Variants in CMSS1 observed in about 807,000 individuals in gnomAD.
CMSS1 encodes the protein protein CMSS1.
A neutral mutation model predicts 43.5 loss-of-function variants in CMSS1; 33 were observed. That is an observed-to-expected ratio of 0.76 (90% CI 0.57 to 1.01). The LOEUF (loss-of-function observed/expected upper bound fraction) is 1.01. Ranked by LOEUF, CMSS1 falls within the 50% of genes least tolerant of loss-of-function variation. The pLI, the probability that CMSS1 is intolerant of heterozygous loss-of-function variation, is 0.00. For synonymous variants in CMSS1, 115 were observed against 117.2 expected, an observed-to-expected ratio of 0.98 and a Z score of 0.12; for missense variants, 313 against 326.4, an observed-to-expected ratio of 0.96 and a Z score of 0.32.
chr3:100,024,849 A>G (rs922322332), intron 1 of CMSS1, among the ~76,000 whole-genome samples: 4 of 152,162 alleles, frequency 2.6e-5, no homozygotes, highest in African/African-American at 7.2e-5. Flanking sequence ...GCCCAAGGTC[A>G]GAAACATTCG....
intron 1 of CMSS1, among the ~76,000 whole-genome samples, chr3:100,001,976 TC>T (rs565113007): frequency 1.3e-5 from 2 of 151,920 alleles, no homozygotes; most frequent in African/African-American, 2.4e-5. Context: ...CTTGTCCATA[TC>T]CCCCCCAATT....
At chr3:99,929,513 AGTGTGTGTGT>A (rs10629410) in intron 1 of CMSS1, among the ~76,000 whole-genome samples, 1 of 148,170 alleles carries the variant, frequency 6.7e-6, no homozygotes. Context: ...AAGTTCCCAG[AGTGTGTGTGT>A]GTGTGTGTGT....
chr3:99,874,255 T>C (rs565051459), intron 1 of CMSS1: 1 of 152,382 alleles, frequency 6.6e-6, no homozygotes, highest in African/African-American at 2.4e-5. Flanking sequence ...AGTTGAGTTG[T>C]AGTTTATGGT....
At chr3:99,889,805 C>CA (rs1464479372) in intron 1 of CMSS1, among the ~76,000 whole-genome samples, 1 of 151,816 alleles carries the variant, frequency 6.6e-6, no homozygotes, top group Non-Finnish European at 1.5e-5. Context: ...AATCCTCCTC[C>CA]AAAAAAATCT....
At chr3:100,159,665 T>G (rs1387445750) in intron 2 of CMSS1, among the ~76,000 whole-genome samples, 1 of 152,230 alleles carries the variant, frequency 6.6e-6, no homozygotes, top group Non-Finnish European at 1.5e-5. Context: ...TGCTTATGAT[T>G]AATAAATATG....
intron 1 of CMSS1, among the ~76,000 whole-genome samples, chr3:100,107,994 A>T (rs2066423413): frequency 6.6e-6 from 1 of 152,086 alleles, no homozygotes; most frequent in African/African-American, 2.4e-5. Context: ...TTTAATAATC[A>T]ATTTTCTGGG....
chr3:99,970,683 A>G (rs1035935788), intron 1 of CMSS1, among the ~76,000 whole-genome samples: 10 of 152,218 alleles, frequency 6.6e-5, no homozygotes, highest in African/African-American at 2.4e-4. Context: ...ATGACAAGAC[A>G]TTCTGTATAT....
intron 1 of CMSS1, among the ~76,000 whole-genome samples, chr3:99,936,479 A>C (rs112927548): frequency 8.5e-5 from 9 of 105,644 alleles, no homozygotes; most frequent in South Asian, 3.2e-4. Flanking sequence ...GGGTTCAAGC[A>C]ATTCTCCTGC....
chr3:99,976,768 T>G (rs535314080), intron 1 of CMSS1, among the ~76,000 whole-genome samples: 2 of 152,338 alleles, frequency 1.3e-5, no homozygotes, highest in East Asian at 3.9e-4. Context: ...TCAGGTTTCT[T>G]GGACCTGTGG....
intron 2 of CMSS1, among the ~76,000 whole-genome samples, chr3:100,157,181 G>T (rs1471498873): frequency 6.6e-6 from 1 of 151,946 alleles, no homozygotes; most frequent in African/African-American, 2.4e-5. Flanking sequence ...CTGGGACATT[G>T]CCTCTACTTT....
chr3:100,135,720 A>G (rs2066748130), intron 1 of CMSS1, among the ~76,000 whole-genome samples: 1 of 149,286 alleles, frequency 6.7e-6, no homozygotes, highest in Admixed American at 6.6e-5. Context: ...GAAAATAACC[A>G]TTAAGTTTGC....
intron 1 of CMSS1, among the ~76,000 whole-genome samples, chr3:99,834,489 C>T (rs1469943879): frequency 6.6e-6 from 1 of 152,190 alleles, no homozygotes; most frequent in African/African-American, 2.4e-5. Flanking sequence ...ATAAAGTTTT[C>T]AAAATCGCTC....
At chr3:100,173,616 C>G (rs1302735113) in intron 8 of CMSS1, among the ~76,000 whole-genome samples, 2 of 152,192 alleles carry the variant, frequency 1.3e-5, no homozygotes, top group Non-Finnish European at 2.9e-5. Context: ...GATAGTTATG[C>G]TGGCCTGAAT....
chr3:99,976,550 T>C (rs1708977181), intron 1 of CMSS1, among the ~76,000 whole-genome samples: 1 of 152,190 alleles, frequency 6.6e-6, no homozygotes, highest in Non-Finnish European at 1.5e-5. Flanking sequence ...TTCACCACAT[T>C]GAAGATACCA....
intron 1 of CMSS1, among the ~76,000 whole-genome samples, chr3:99,870,297 C>T (rs1576533320): frequency 6.6e-6 from 1 of 152,148 alleles, no homozygotes; most frequent in African/African-American, 2.4e-5. Context: ...TTAGTCTCAC[C>T]GTTGAGACAC....
chr3:100,061,519 G>A (rs1288732039), intron 1 of CMSS1, among the ~76,000 whole-genome samples: 1 of 152,122 alleles, frequency 6.6e-6, no homozygotes, highest in African/African-American at 2.4e-5. Context: ...AATACCTCCT[G>A]CAGAGAATGA....
chr3:100,162,461 A>G (rs760201998), intron 4 of CMSS1, 29 bp downstream of exon 4: 3 of 1,598,496 alleles, frequency 1.9e-6, no homozygotes, highest in Non-Finnish European at 2.6e-6. Flanking sequence ...TTTCCTAAAG[A>G]CAAGGAGCAA....
intron 1 of CMSS1, among the ~76,000 whole-genome samples, chr3:99,869,239 G>C (rs1226843780): frequency 6.6e-6 from 1 of 152,140 alleles, no homozygotes; most frequent in Non-Finnish European, 1.5e-5. Flanking sequence ...ATTGGCCAGA[G>C]AATCTTAACT....
chr3:99,951,598 G>T (rs1012622577), intron 1 of CMSS1, among the ~76,000 whole-genome samples: 3 of 152,084 alleles, frequency 2.0e-5, no homozygotes, highest in African/African-American at 7.2e-5. Context: ...GATGAAGCAA[G>T]TGTTTTTGTA....
Sources: allele counts gnomAD v4.1 joint callset (sites outside exome capture counted in the v4.1 genomes callset), GRCh38; gene constraint gnomAD v4.1.1; transcripts MANE v1.5; gene names NCBI Gene and HGNC (gene_info 2026-07-23, HGNC 2026-07-21).